RAB3IL1: variants seen among roughly 807,000 people sequenced by gnomAD.
The protein encoded by RAB3IL1 is RAB3A interacting protein like 1.
In RAB3IL1, 37 loss-of-function variants were observed where a neutral mutation model predicts 49.2. The ratio of observed to expected loss-of-function variants is 0.75; its 90% CI spans 0.58 to 0.99. The LOEUF (loss-of-function observed/expected upper bound fraction) is 0.99. RAB3IL1 is among the 50% of genes least tolerant of loss of function. RAB3IL1 has a pLI of 0.00. For missense variants in RAB3IL1, 484 were observed against 513.0 expected, an observed-to-expected ratio of 0.94 and a Z score of 0.55; for synonymous variants, 193 against 213.9, an observed-to-expected ratio of 0.90 and a Z score of 0.85.
At chr11:61,927,560 G>C in the RAB3IL1 span, among the ~76,000 whole-genome samples, 1 of 152,160 alleles carries the variant, frequency 6.6e-6, no homozygotes, top group Non-Finnish European at 1.5e-5. Context: ...TGGCAAGAGA[G>C]TCAGGGGCTA....
At chr11:61,932,711 CT>C in the RAB3IL1 span, among the ~76,000 whole-genome samples, 20 of 150,376 alleles carry the variant, frequency 1.3e-4, no homozygotes, top group African/African-American at 3.7e-4. Context: ...TCTTCTAGAA[CT>C]TTTTTTTAAC....
chr11:61,939,542 AAAAGAG>A, the RAB3IL1 span, among the ~76,000 whole-genome samples: 1 of 152,116 alleles, frequency 6.6e-6, no homozygotes, highest in Non-Finnish European at 1.5e-5. Flanking sequence ...AATGAAATAG[AAAAGAG>A]AAAAACAACA....
intron 7 of RAB3IL1, 52 bp from the exon 8 acceptor site, chr11:61,902,593 C>T: frequency 3.4e-6 from 5 of 1,468,434 alleles, no homozygotes; most frequent in South Asian, 1.2e-5. Context: ...TGCCCCTCTC[C>T]CTCACCCCTG....
rs1939108535 is a variant in RAB3IL1 at position 61,904,899 on chromosome 11, G to T, written c.658-17C>A. ...TGTGTCCACCTGTGGGGGAGGGCAA[G>T]CGAGGGTGGGGGCGGTCAGGGTACT... On this transcript the variant is annotated splice_polypyrimidine_tract_variant and intron_variant, in intron 5 of 9. Transcript: ENST00000394836. 6.4e-7 allele frequency: 1 copy of T among 1,567,302 alleles called. No homozygotes were observed. The highest frequency in any genetic ancestry group is 8.7e-7 in the Non-Finnish European group (1 of 1,153,106).
chr11:61,920,360 C>A (rs1591244463), upstream of RAB3IL1: 1 of 882,928 alleles, frequency 1.1e-6, no homozygotes, highest in African/African-American at 1.7e-5. Flanking sequence ...TCTCCTTCAA[C>A]CCCGTAATTA....
At chr11:61,934,450 GTATATATATATATATATA>G in the RAB3IL1 span, among the ~76,000 whole-genome samples, 114 of 31,628 alleles carry the variant, frequency 3.6e-3, 3 homozygotes, top group African/African-American at 8.8e-3. Flanking sequence ...GTGTGTGTAT[GTATATATATATATATATA>G]TATATATATA....
Position 61,902,224 on chromosome 11 carries a change from G to T in RAB3IL1, c.999+218C>A, listed in dbSNP as rs372454183. ...AGCTACTTGGGAAGCTGAGGCAGGA[G>T]AATTGCTAATGTCTGCCTGGGAGGC... On this transcript the variant is annotated intron_variant, in intron 8 of 9. Coordinates refer to ENST00000394836, the MANE Select transcript of RAB3IL1 (RefSeq NM_013401.4). Among the ~76,000 whole-genome samples the T allele has an allele frequency of 1.8e-4, 27 of 152,372 alleles. No individual in the cohort carries two copies. The South Asian group carries it at 5.2e-3, about 29-fold the overall frequency.
In RAB3IL1 at chr11:61,906,573, C is replaced by G. The variant is rs757068668; in HGVS notation, c.550G>C (p.Gly184Arg). The change falls in exon 5 of 10, where the codon GGG becomes CGG. Residue 184 changes from glycine (G) to arginine (R), a missense_variant. By Grantham distance (125) the Gly-to-Arg change is moderately radical (BLOSUM62 -2). Coordinates refer to ENST00000394836, the MANE Select transcript of RAB3IL1 (RefSeq NM_013401.4). This position sits in a 1 kb window ranked among gnomAD's most constrained non-coding sequence, Gnocchi z 4.6. ...TGGCGAGAGTGGCCCTTTCGGGGCC[C>G]GGCCTTGGTGGGGCTCAGCAGCTGG... ...HPQLLSPTKA[G>R]PRKGHSRHKS... The G allele has an allele frequency of 1.9e-6, 3 of 1,602,074 alleles. No homozygotes were observed.
At chr11:61,911,284 C>T (rs1939442959) in intron 1 of RAB3IL1, among the ~76,000 whole-genome samples, 1 of 152,194 alleles carries the variant, frequency 6.6e-6, no homozygotes, top group Non-Finnish European at 1.5e-5. Context: ...CCAGTAGCCA[C>T]CAACTCCCCA....
At chr11:61,940,551 C>A in the RAB3IL1 span, among the ~76,000 whole-genome samples, 2 of 152,220 alleles carry the variant, frequency 1.3e-5, no homozygotes, top group African/African-American at 4.8e-5. Flanking sequence ...TTTTGGGAGG[C>A]CAAGGCGAGA....
chr11:61,912,064 T>C (rs1183037355), intron 1 of RAB3IL1, among the ~76,000 whole-genome samples: 1 of 152,090 alleles, frequency 6.6e-6, no homozygotes, highest in Non-Finnish European at 1.5e-5. Context: ...TCCAGTTACC[T>C]CCTGGAACTA....
At chr11:61,902,682 A>G in intron 7 of RAB3IL1, 141 bp from the exon 8 acceptor site, 1 of 751,954 alleles carries the variant, frequency 1.3e-6, no homozygotes, top group Non-Finnish European at 2.2e-6. Context: ...TTCCAAAGGA[A>G]CCCAGAGCCA....
At chr11:61,919,655 G>A (rs1165232700), upstream of RAB3IL1, among the ~76,000 whole-genome samples, 1 of 152,164 alleles carries the variant, frequency 6.6e-6, no homozygotes. Context: ...TGGCAGGGAA[G>A]GGATAAATAA....
chr11:61,910,688 G>C (rs1229663002), intron 1 of RAB3IL1, among the ~76,000 whole-genome samples: 2 of 152,192 alleles, frequency 1.3e-5, no homozygotes, highest in East Asian at 3.9e-4. Context: ...TTAAACTGGA[G>C]GCCTGTGGAC....
the RAB3IL1 span, among the ~76,000 whole-genome samples, chr11:61,940,510 A>G: frequency 3.3e-5 from 5 of 152,156 alleles, no homozygotes; most frequent in East Asian, 7.8e-4. Flanking sequence ...AAATGTGGCC[A>G]GGCATAGTGG....
chr11:61,934,452 A>ATGTG, the RAB3IL1 span, among the ~76,000 whole-genome samples: 14 of 12,492 alleles, frequency 1.1e-3, no homozygotes, highest in Non-Finnish European at 1.5e-3. Flanking sequence ...GTGTGTATGT[A>ATGTG]TATATATATA....
chr11:61,914,086 C>G lies in RAB3IL1; in HGVS notation c.11+3271G>C, dbSNP rs1178727810. ...GCCTGTGTGCCTGACCTGGAGCCCT[C>G]GGGCCATACTTCAGACTCTTGTCTC... On this transcript the variant is annotated intron_variant, in intron 1 of 9. Coordinates refer to ENST00000394836, the MANE Select transcript of RAB3IL1 (RefSeq NM_013401.4). 2.6e-5 allele frequency among the ~76,000 whole-genome samples: 4 copies of G among 152,306 alleles called. No homozygotes were observed. The South Asian group carries it at 8.3e-4, about 32-fold the overall frequency.
At chr11:61,916,360 T>C (rs186253929) in intron 1 of RAB3IL1, among the ~76,000 whole-genome samples, 2 of 147,388 alleles carry the variant, frequency 1.4e-5, no homozygotes, top group Admixed American at 1.3e-4. Context: ...AAAAAAAAAG[T>C]CCCAAGCCTC....
In RAB3IL1 at chr11:61,898,405, C is replaced by A; in HGVS notation, c.1067-45G>T. 2 of 1,562,062 alleles carry A rather than the reference C, an allele frequency of 1.3e-6. No homozygotes were observed. Among genetic ancestry groups the A allele is most frequent in the South Asian group, 2.2e-5 (2 of 89,952 alleles). On this transcript the variant is annotated intron_variant, in intron 9 of 9. Coordinates refer to ENST00000394836, the MANE Select transcript of RAB3IL1 (RefSeq NM_013401.4). The surrounding 1 kb of genome is among the most constrained non-coding windows in gnomAD (Gnocchi z 5.1). ...GAACAGGTCGGGGACAGCTCAGGGT[C>A]ACCTCGGGCAGATGGCCAGGTCCCC...
Sources: allele counts gnomAD v4.1 joint callset (sites outside exome capture counted in the v4.1 genomes callset), GRCh38; gene constraint gnomAD v4.1.1; non-coding constraint Gnocchi (gnomAD v3.1); transcripts MANE v1.5; gene names NCBI Gene and HGNC (gene_info 2026-07-23, HGNC 2026-07-21).